Variants in CLECL1 observed in about 807,000 individuals in gnomAD.
CLECL1 encodes C-type lectin-like domain family 1.
intron 2 of CLECL1, among the ~76,000 whole-genome samples, chr12:9,717,092 G>A (rs146974905): frequency 5.3e-4 from 81 of 152,304 alleles, no homozygotes; most frequent in African/African-American, 1.9e-3. Context: ...GTATTTCTGT[G>A]TTTTAAAATA....
chr12:9,731,655 G>C (rs1018264480), intron 1 of CLECL1, among the ~76,000 whole-genome samples: 1 of 152,188 alleles, frequency 6.6e-6, no homozygotes, highest in East Asian at 1.9e-4. Flanking sequence ...TTGACTTCTG[G>C]TCATAAGCAT....
At chr12:9,721,269 G>A (rs78601537), downstream of CLECL1, among the ~76,000 whole-genome samples, 1,181 of 151,394 alleles carry the variant, frequency 7.8e-3, 24 homozygotes, top group African/African-American at 0.027. Context: ...GAGAATAATC[G>A]CTAGAAAATG....
intron 1 of CLECL1, among the ~76,000 whole-genome samples, chr12:9,730,537 A>C (rs1164166794): frequency 1.3e-5 from 2 of 152,256 alleles, no homozygotes; most frequent in East Asian, 3.8e-4. Context: ...GCTATTAATT[A>C]AAACATCTTT....
chr12:9,704,220 T>A, the CLECL1 span: 1 of 152,212 alleles, frequency 6.6e-6, no homozygotes, highest in Non-Finnish European at 1.5e-5. Context: ...ATCTTTAGAA[T>A]TTTAATTGCA....
chr12:9,733,377 T>A (rs1866478701), upstream of CLECL1: 1 of 667,580 alleles, frequency 1.5e-6, no homozygotes, highest in African/African-American at 1.8e-5. Context: ...CACTTCCTCT[T>A]TTAGTTCAGG....
exon 3 of CLECL1, chr12:9,716,614 C>CTG (rs1866242190): frequency 6.9e-6 from 2 of 289,540 alleles, no homozygotes; most frequent in African/African-American, 2.3e-5. Context: ...TGTCCCATTC[C>CTG]TCTTGCTCAA....
chr12:9,722,957 GA>G (rs1268049325), intron 3 of CLECL1, 144 bp from the exon 2 acceptor site: 20 of 533,906 alleles, frequency 3.7e-5, no homozygotes, highest in East Asian at 6.3e-5. Flanking sequence ...GGGTACATTT[GA>G]AAAAAAATTA....
the CLECL1 span, among the ~76,000 whole-genome samples, chr12:9,707,102 A>AAATTTATCCATTTCTTCTAGATTTTCT: frequency 6.6e-6 from 1 of 152,160 alleles, no homozygotes; most frequent in Middle Eastern, 3.2e-3. Context: ...ATTTGTCCAG[A>AAATTTATCCATTTCTTCTAGATTTTCT]AATTTATCCA....
At chr12:9,715,034 G>A (rs774808156), downstream of CLECL1, among the ~76,000 whole-genome samples, 1 of 152,106 alleles carries the variant, frequency 6.6e-6, no homozygotes, top group Non-Finnish European at 1.5e-5. Flanking sequence ...GGGTCTGAGG[G>A]ATTTGTGATT....
At chr12:9,711,641 TA>T (rs1483940617), downstream of CLECL1, among the ~76,000 whole-genome samples, 1 of 152,080 alleles carries the variant, frequency 6.6e-6, no homozygotes, top group African/African-American at 2.4e-5. Flanking sequence ...AGATTATTAT[TA>T]TTTTTTTTTT....
At chr12:9,704,156 T>C in the CLECL1 span, 1 of 152,226 alleles carries the variant, frequency 6.6e-6, no homozygotes, top group South Asian at 2.1e-4. Context: ...GTCAAATTTA[T>C]GGTAAGTTCA....
chr12:9,707,243 A>G, the CLECL1 span, among the ~76,000 whole-genome samples: 1 of 152,246 alleles, frequency 6.6e-6, no homozygotes, highest in African/African-American at 2.4e-5. Flanking sequence ...ATTACGATGT[A>G]GGCATGCAGT....
At chr12:9,718,048 T>C (rs1391044869), downstream of CLECL1, among the ~76,000 whole-genome samples, 1 of 152,174 alleles carries the variant, frequency 6.6e-6, no homozygotes, top group Non-Finnish European at 1.5e-5. Context: ...TTTCCCCTGA[T>C]TCTTCCTCTT....
downstream of CLECL1, chr12:9,722,467 GAAAA>G: frequency 9.3e-7 from 1 of 1,079,268 alleles, no homozygotes; most frequent in Non-Finnish European, 1.2e-6. Context: ...CTCCTAGCCG[GAAAA>G]AAAAAAAACC....
rs112752598 is a variant in CLECL1, at chr12:9,722,751, C to A, written n.325G>T. On this transcript the variant is annotated non_coding_transcript_exon_variant, in exon 4 of 4. Coordinates refer to ENST00000621400, the Ensembl canonical transcript of CLECL1. ...GTTTCAGCAATCCAGTAACATTTTC[C>A]CTTATGCACCTTCCAGTCTTTGGCA... 3.4e-5 allele frequency: 55 copies of A among 1,613,790 alleles called. 2 individuals are homozygous for A. In the African/African-American group the frequency reaches 3.6e-4, roughly 11 times the overall value.
intron 3 of CLECL1, among the ~76,000 whole-genome samples, chr12:9,724,763 C>T (rs1024828755): frequency 6.6e-6 from 1 of 151,928 alleles, no homozygotes; most frequent in African/African-American, 2.4e-5. Context: ...AAGATTAGGG[C>T]AAAACAAGTT....
At chr12:9,724,994 TG>T (rs1347682629) in intron 3 of CLECL1, among the ~76,000 whole-genome samples, 1 of 152,108 alleles carries the variant, frequency 6.6e-6, no homozygotes. Flanking sequence ...TTATAAACTA[TG>T]GGGGCTAGAA....
chr12:9,703,035 C>T, the CLECL1 span, among the ~76,000 whole-genome samples: 4 of 152,306 alleles, frequency 2.6e-5, no homozygotes, highest in South Asian at 8.3e-4. Context: ...TTATAATAAA[C>T]AGAAATCCTA....
chr12:9,717,271 G>A (rs1191644813), intron 2 of CLECL1, among the ~76,000 whole-genome samples: 3 of 152,128 alleles, frequency 2.0e-5, no homozygotes, highest in East Asian at 3.8e-4. Context: ...TTAGCTGGGC[G>A]TTGTGGCACG....
Sources: allele counts gnomAD v4.1 joint callset (sites outside exome capture counted in the v4.1 genomes callset), GRCh38; gene constraint gnomAD v4.1.1; transcripts MANE v1.5; gene names NCBI Gene and HGNC (gene_info 2026-07-23, HGNC 2026-07-21).